The following ZNF385B variants were observed in gnomAD, a reference collection of about 807,000 sequenced individuals.
ZNF385B encodes zinc finger protein 533.
A neutral mutation model predicts 39.2 loss-of-function variants in ZNF385B; 23 were observed. The observed-to-expected ratio is 0.59, with a 90% confidence interval of 0.42 to 0.83. The LOEUF (loss-of-function observed/expected upper bound fraction) is 0.83. Ranked by LOEUF, ZNF385B falls within the 40% of genes least tolerant of loss-of-function variation. The pLI, the probability that ZNF385B is intolerant of heterozygous loss-of-function variation, is 0.00. For missense variants in ZNF385B, 552 were observed against 598.9 expected, an observed-to-expected ratio of 0.92 and a Z score of 0.82; for synonymous variants, 205 against 222.6, an observed-to-expected ratio of 0.92 and a Z score of 0.70.
intron 6 of ZNF385B, 109 bp downstream of exon 6, chr2:179,483,163 A>G: frequency 1.6e-6 from 2 of 1,271,194 alleles, no homozygotes; most frequent in African/African-American, 3.0e-5. Context: ...TAATATCACA[A>G]AAACAAATCA....
rs777679885 is a variant in ZNF385B at position 179,466,915 on chromosome 2, CAAAAA to C, written c.715+16352_715+16356del. Reference sequence around the variant, plus strand: ...CAGCCTGGCAACAGAGCAAGACTGTCAAAAAAAAAAAAAAAAAAAAAAAAAAAAAG... The same window carrying C: ...CAGCCTGGCAACAGAGCAAGACTGTCAAAAAAAAAAAAAAAAAAAAAAAAG... On this transcript the variant is annotated intron_variant, in intron 6 of 9. Coordinates refer to ENST00000410066, the MANE Select transcript of ZNF385B (RefSeq NM_152520.6). Among the ~76,000 whole-genome samples, 6 of 26,938 alleles carry C rather than the reference CAAAAA, an allele frequency of 2.2e-4. No individual in the cohort carries two copies. In the South Asian group the frequency reaches 0.015, roughly 69 times the overall value. The allele number at this position is 26,938 out of a possible 152,430, so 17.7% of individuals were successfully genotyped here.
intron 3 of ZNF385B, among the ~76,000 whole-genome samples, chr2:179,685,685 C>T (rs551344858): frequency 3.0e-4 from 36 of 118,578 alleles, no homozygotes; most frequent in Middle Eastern, 4.3e-3. Context: ...GGGCCTGACA[C>T]AGAAAGTGCT....
At chr2:179,631,417 A>G (rs1050117476) in intron 3 of ZNF385B, among the ~76,000 whole-genome samples, 26 of 152,276 alleles carry the variant, frequency 1.7e-4, no homozygotes, top group African/African-American at 6.0e-4. Flanking sequence ...ATCCAGCCAA[A>G]CTAAGCTTCA....
chr2:179,745,811 A>T, intron 3 of ZNF385B: 1 of 1,476,892 alleles, frequency 6.8e-7, no homozygotes, highest in East Asian at 2.6e-5. Context: ...GACCAGGATA[A>T]TGCACAGCGC....
chr2:179,449,205 T>G (rs1351557074), intron 6 of ZNF385B, among the ~76,000 whole-genome samples: 1 of 152,042 alleles, frequency 6.6e-6, no homozygotes, highest in African/African-American at 2.4e-5. Context: ...CAACAGAAAC[T>G]GGTAAGAGGC....
rs902695745 is a variant in ZNF385B, at chr2:179,524,776, A to G, written c.442-6138T>C. Among the ~76,000 whole-genome samples, 5 of 152,054 alleles carry G rather than the reference A, an allele frequency of 3.3e-5. No individual in the cohort carries two copies. In the South Asian group the frequency reaches 8.3e-4, roughly 25 times the overall value. On this transcript the variant is annotated intron_variant, in intron 4 of 9. Transcript: ENST00000410066. ...AAAGAAGTTGCCATTAAGCAAAACA[A>G]TGAGGCATGAGAGGCACAAAAAGGT... is the stretch of plus-strand genomic sequence containing the variant.
chr2:179,610,252 T>A (rs907993993), intron 3 of ZNF385B, among the ~76,000 whole-genome samples: 5 of 152,198 alleles, frequency 3.3e-5, no homozygotes, highest in African/African-American at 1.2e-4. Flanking sequence ...GATAGGGGTC[T>A]AGTTTCATTC....
chr2:179,512,921 A>G (rs2057788985), intron 5 of ZNF385B, among the ~76,000 whole-genome samples: 2 of 152,208 alleles, frequency 1.3e-5, no homozygotes, highest in African/African-American at 2.4e-5. Context: ...TTGCTTTTCA[A>G]CAGGGTAGTT....
At chr2:179,749,064 ATTC>A (rs1440060088) in intron 3 of ZNF385B, among the ~76,000 whole-genome samples, 1 of 152,104 alleles carries the variant, frequency 6.6e-6, no homozygotes, top group Non-Finnish European at 1.5e-5. Context: ...AATTTGGTGA[ATTC>A]TTCTTTTTTT....
At chr2:179,836,508 G>GTTTTTTTT (rs1559237839) in intron 1 of ZNF385B, among the ~76,000 whole-genome samples, 9 of 105,984 alleles carry the variant, frequency 8.5e-5, no homozygotes, top group South Asian at 2.9e-4. Flanking sequence ...AGGTTCTTGC[G>GTTTTTTTT]TTTTCTTTTT....
At chr2:179,574,756 C>A (rs1685615991) in intron 3 of ZNF385B, among the ~76,000 whole-genome samples, 1 of 152,144 alleles carries the variant, frequency 6.6e-6, no homozygotes, top group Non-Finnish European at 1.5e-5. Context: ...CAACAACTAA[C>A]TACTGCCTTC....
chr2:179,744,508 T>C (rs555392511), intron 3 of ZNF385B, among the ~76,000 whole-genome samples: 2 of 152,216 alleles, frequency 1.3e-5, no homozygotes, highest in South Asian at 4.2e-4. Context: ...ATAGTGGCCC[T>C]GGGACTTGCC....
At chr2:179,445,224 C>T (rs927362236) in intron 8 of ZNF385B, among the ~76,000 whole-genome samples, 14 of 152,154 alleles carry the variant, frequency 9.2e-5, no homozygotes, top group Admixed American at 1.3e-4. Context: ...ACTGATGAGT[C>T]TCTCTAATCA....
chr2:179,508,100 C>T (rs2057388959), intron 5 of ZNF385B, among the ~76,000 whole-genome samples: 1 of 151,958 alleles, frequency 6.6e-6, no homozygotes. Flanking sequence ...TTTTTTGTTC[C>T]ATTCAGCTTC....
At chr2:179,676,735 T>C (rs1336274222) in intron 3 of ZNF385B, among the ~76,000 whole-genome samples, 1 of 152,090 alleles carries the variant, frequency 6.6e-6, no homozygotes, top group Non-Finnish European at 1.5e-5. Flanking sequence ...GGTTCTTCAC[T>C]GGGGGGGATT....
intron 3 of ZNF385B, among the ~76,000 whole-genome samples, chr2:179,629,463 T>C (rs869068464): frequency 1.3e-5 from 2 of 152,044 alleles, no homozygotes; most frequent in African/African-American, 4.8e-5. Context: ...TATATATGAA[T>C]AGAGCATTGG....
At chr2:179,617,306 C>T (rs3106705) in intron 3 of ZNF385B, among the ~76,000 whole-genome samples, 21,827 of 152,054 alleles carry the variant, frequency 0.14, 1,960 homozygotes, top group African/African-American at 0.25. Flanking sequence ...CAGCTGGGTG[C>T]TCTTGCAGTT....
chr2:179,483,545 C>T, intron 5 of ZNF385B, 111 bp from the exon 6 acceptor site: 1 of 1,407,920 alleles, frequency 7.1e-7, no homozygotes, highest in South Asian at 1.3e-5. Flanking sequence ...ACATTTACAA[C>T]TCAGTACCTG....
At chr2:179,780,969 A>C (rs2106523188) in intron 1 of ZNF385B, among the ~76,000 whole-genome samples, 1 of 152,312 alleles carries the variant, frequency 6.6e-6, no homozygotes, top group Non-Finnish European at 1.5e-5. Flanking sequence ...CCCAGTCAAC[A>C]GATTAAACTG....
Sources: allele counts gnomAD v4.1 joint callset (sites outside exome capture counted in the v4.1 genomes callset), GRCh38; gene constraint gnomAD v4.1.1; transcripts MANE v1.5; gene names NCBI Gene and HGNC (gene_info 2026-07-23, HGNC 2026-07-21).